RIC8B: variants seen among roughly 807,000 people sequenced by gnomAD.
RIC8B encodes RIC8 guanine nucleotide exchange factor B.
A neutral mutation model predicts 57.5 loss-of-function variants in RIC8B; 16 were observed. The ratio of observed to expected loss-of-function variants is 0.28; its 90% CI spans 0.19 to 0.42. The LOEUF (loss-of-function observed/expected upper bound fraction) is 0.42, where lower values mean the gene tolerates loss of function less well. Among genes scored for constraint, RIC8B ranks in the 10% least tolerant of loss-of-function variants. The pLI is 1.00. For synonymous variants in RIC8B, 216 were observed against 250.8 expected, an observed-to-expected ratio of 0.86 and a Z score of 1.31; for missense variants, 481 against 677.0, an observed-to-expected ratio of 0.71 and a Z score of 3.21.
chr12:106,851,488 A>G lies in RIC8B; in HGVS notation c.1200A>G (p.Glu400=). 7 of 1,613,764 alleles carry G rather than the reference A, an allele frequency of 4.3e-6. No individual in the cohort carries two copies. Among genetic ancestry groups the G allele is most frequent in the Non-Finnish European group, 5.9e-6 (7 of 1,179,872 alleles). ...PPLRDVTNRP[E]VGSTVRNKLV... Reference sequence around the variant, plus strand: ...TGAGGGATGTGACAAATCGACCTGAAGTTGGCTCAACTGTGAGAAATAAGC... The same window carrying G: ...TGAGGGATGTGACAAATCGACCTGAGGTTGGCTCAACTGTGAGAAATAAGC... The change falls in exon 7 of 10, where the codon GAA becomes GAG. Residue 400 remains glutamate (E), a synonymous_variant. Transcript: ENST00000392837.
chr12:106,787,198 AG>A (rs1433997550), intron 2 of RIC8B, among the ~76,000 whole-genome samples: 1 of 152,158 alleles, frequency 6.6e-6, no homozygotes, highest in East Asian at 1.9e-4. Context: ...GCTTCCTGGG[AG>A]GTCTGTTATA....
At position 106,851,451 on chromosome 12, in the gene RIC8B, T is replaced by C. The variant is rs1286453849; in HGVS notation, c.1163T>C (p.Val388Ala). ...TGGTTTTTGCATTTGTGCCATCAGG[T>C]TTTACCACCGTTGAGGGATGTGACA... ...RNIRKFLKDQ[V>A]LPPLRDVTNR... The change falls in exon 7 of 10, where the codon GTT becomes GCT. Residue 388 changes from valine (V) to alanine (A), a missense_variant and splice_region_variant. Around this residue, in one of 3 missense-constraint regions of RIC8B, gnomAD observed 421 missense variants for 560.9 expected, o/e 0.75. Coordinates refer to ENST00000392837, the MANE Select transcript of RIC8B (RefSeq NM_001330145.2). 1 of 1,613,298 alleles carries C rather than the reference T, an allele frequency of 6.2e-7. No individual in the cohort carries two copies. The highest frequency in any genetic ancestry group is 2.2e-5 in the East Asian group (1 of 44,844).
intron 2 of RIC8B, among the ~76,000 whole-genome samples, chr12:106,794,513 C>T (rs144988672): frequency 3.3e-5 from 5 of 152,118 alleles, no homozygotes; most frequent in East Asian, 3.9e-4. Context: ...AAGCCAAAGA[C>T]GAGGAGAAAA....
chr12:106,804,370 A>T (rs1357987929), intron 2 of RIC8B, among the ~76,000 whole-genome samples: 1 of 151,656 alleles, frequency 6.6e-6, no homozygotes, highest in East Asian at 1.9e-4. Flanking sequence ...GCCCACTACC[A>T]CGCCCATCTA....
At chr12:106,881,581 A>G (rs1950936819) in intron 9 of RIC8B, among the ~76,000 whole-genome samples, 1 of 151,890 alleles carries the variant, frequency 6.6e-6, no homozygotes, top group African/African-American at 2.4e-5. Context: ...TAGCCATACG[A>G]CTGGTGAAGG....
chr12:106,809,453 G>A (rs1053405838), intron 2 of RIC8B, among the ~76,000 whole-genome samples: 4 of 151,182 alleles, frequency 2.6e-5, no homozygotes, highest in African/African-American at 9.8e-5. Context: ...AACTCCGAAG[G>A]CGGAGGTTAC....
chr12:106,882,475 CTTA>C (rs144970948), intron 9 of RIC8B, among the ~76,000 whole-genome samples: 33 of 151,632 alleles, frequency 2.2e-4, no homozygotes, highest in Non-Finnish European at 2.8e-4. Context: ...TTTGGTCTAC[CTTA>C]TTATTATTAT....
At chr12:106,878,906 A>G in intron 9 of RIC8B, 1 of 878,310 alleles carries the variant, frequency 1.1e-6, no homozygotes, top group Non-Finnish European at 1.4e-6. Flanking sequence ...GTACTCAATT[A>G]GAGGGAGGTG....
At chr12:106,885,479 G>A (rs1951139408) in intron 9 of RIC8B, among the ~76,000 whole-genome samples, 1 of 151,652 alleles carries the variant, frequency 6.6e-6, no homozygotes, top group South Asian at 2.1e-4. Flanking sequence ...TGAATGAAGT[G>A]TATGCATATC....
rs772316133 is a variant in RIC8B, at chr12:106,815,322, A to G, written c.741+18A>G. Reference sequence around the variant, plus strand: ...ATAAAGAGGTAAGGTAGAGAAGGCTATTTTTGTCTACCTGGAATTTAATTG... The same window carrying G: ...ATAAAGAGGTAAGGTAGAGAAGGCTGTTTTTGTCTACCTGGAATTTAATTG... On this transcript the variant is annotated intron_variant, in intron 3 of 9. Transcript: ENST00000392837. 8 of 1,570,978 alleles carry G rather than the reference A, an allele frequency of 5.1e-6. No individual in the cohort carries two copies. Among genetic ancestry groups the G allele is most frequent in the East Asian group, 4.5e-5 (2 of 44,484 alleles).
At chr12:106,828,592 A>G (rs2046217379) in intron 4 of RIC8B, among the ~76,000 whole-genome samples, 1 of 152,200 alleles carries the variant, frequency 6.6e-6, no homozygotes, top group Non-Finnish European at 1.5e-5. Context: ...GTGCGTTATC[A>G]TCAAACCCAA....
Position 106,853,453 on chromosome 12 carries a change from C to CTTTTTTTTTTTTTTTTTTTT in RIC8B, c.1306+1873_1306+1892dup, listed in dbSNP as rs758876525. Among the ~76,000 whole-genome samples, 37 of 38,038 alleles carry CTTTTTTTTTTTTTTTTTTTT rather than the reference C, an allele frequency of 9.7e-4. 11 individuals carry two copies. The highest frequency in any genetic ancestry group is 4.8e-3 in the East Asian group (4 of 834). 25.0% of individuals were successfully genotyped at this position (38,038 alleles called of 152,430 possible). A position where few individuals can be genotyped will look rare whatever the true frequency, so the allele number is the denominator to read the frequency against. ...GACCTCAACAATTCTGCTTTATAGT[C>CTTTTTTTTTTTTTTTTTTTT]TTTTTTTTTTTTTTTTTTTTTTTTT... is the stretch of plus-strand genomic sequence containing the variant. On this transcript the variant is annotated intron_variant, in intron 7 of 9. Coordinates refer to ENST00000392837, the MANE Select transcript of RIC8B (RefSeq NM_001330145.2).
chr12:106,845,056 C>T (rs1206239838), intron 6 of RIC8B, among the ~76,000 whole-genome samples: 3 of 152,120 alleles, frequency 2.0e-5, no homozygotes, highest in Non-Finnish European at 4.4e-5. Context: ...GCCTTCTCTC[C>T]TTACCCAGGC....
rs1348381498 is a variant in RIC8B, at chr12:106,815,282, A to G, written c.719A>G (p.Asp240Gly). ...AAAGCTCTCTTCAATGTGACGGTAG[A>G]CAGTTGGAAGGTGCATAAAGAGGTA... ...ALKALFNVTV[D>G]SWKVHKESDS... The change falls in exon 3 of 10, where the codon GAC becomes GGC. Residue 240 changes from aspartate to glycine, a missense_variant. By Grantham distance (94) the Asp-to-Gly change is moderately conservative. Transcript: ENST00000392837. 3 of 1,613,340 alleles carry G rather than the reference A, an allele frequency of 1.9e-6. No individual in the cohort carries two copies. The highest frequency in any genetic ancestry group is 8.5e-7 in the Non-Finnish European group (1 of 1,179,672).
chr12:106,854,620 G>A (rs1229830472), intron 7 of RIC8B, among the ~76,000 whole-genome samples: 1 of 151,954 alleles, frequency 6.6e-6, no homozygotes, highest in Non-Finnish European at 1.5e-5. Context: ...GTGAAACCCC[G>A]TCTCTACTAA....
At chr12:106,799,168 C>G (rs1336170375) in intron 2 of RIC8B, among the ~76,000 whole-genome samples, 2 of 152,188 alleles carry the variant, frequency 1.3e-5, no homozygotes, top group Admixed American at 1.3e-4. Flanking sequence ...AACATCACTA[C>G]TTCCCTTTCT....
chr12:106,788,786 A>G (rs900081437), intron 2 of RIC8B, among the ~76,000 whole-genome samples: 15 of 152,008 alleles, frequency 9.9e-5, no homozygotes, highest in African/African-American at 3.4e-4. Context: ...TTTCCCTCCT[A>G]GGCTTCCGGG....
At chr12:106,828,349 A>C (rs1431257271) in intron 4 of RIC8B, among the ~76,000 whole-genome samples, 1 of 152,218 alleles carries the variant, frequency 6.6e-6, no homozygotes, top group East Asian at 1.9e-4. Flanking sequence ...TGAAAATGGC[A>C]CTAACCTCAA....
In RIC8B at chr12:106,774,781, C is replaced by G; in HGVS notation, c.36C>G (p.Ala12=). The G allele has an allele frequency of 6.4e-7, 1 of 1,553,460 alleles. No individual in the cohort carries two copies. Among genetic ancestry groups the G allele is most frequent in the Non-Finnish European group, 8.7e-7 (1 of 1,147,922 alleles). ...DEERALYIVR[A]GEAGAIERVL... Reference sequence around the variant, plus strand: ...AGCGCGCCCTCTACATCGTCCGGGCCGGCGAAGCAGGGGCTATCGAGCGGG... The same window carrying G: ...AGCGCGCCCTCTACATCGTCCGGGCGGGCGAAGCAGGGGCTATCGAGCGGG... Residue 12 remains alanine, a synonymous_variant, in exon 1 of 10, where the codon GCC becomes GCG. Coordinates refer to ENST00000392837, the MANE Select transcript of RIC8B (RefSeq NM_001330145.2).
Sources: gnomAD v4.1 joint callset for allele counts (sites outside exome capture counted in the v4.1 genomes callset) on GRCh38, gnomAD v4.1.1 for gene constraint, gnomAD v4.1.1 regional missense constraint, MANE v1.5 for transcripts, NCBI Gene and HGNC (gene_info 2026-07-23, HGNC 2026-07-21) for gene names.